Variants in DNM3 observed in about 807,000 individuals in gnomAD.
DNM3 encodes dynamin 3.
A neutral mutation model predicts 101.6 loss-of-function variants in DNM3; 47 were observed. The observed-to-expected ratio is 0.46, with a 90% CI of 0.37 to 0.59. DNM3 has a LOEUF of 0.59. Ranked by LOEUF, DNM3 falls within the 20% of genes least tolerant of loss-of-function variation. The pLI, the probability that DNM3 is intolerant of heterozygous loss-of-function variation, is 0.00. For synonymous variants in DNM3, 385 were observed against 387.9 expected, an observed-to-expected ratio of 0.99 and a Z score of 0.09; for missense variants, 849 against 1,085.7, an observed-to-expected ratio of 0.78 and a Z score of 3.06.
chr1:172,418,407 TA>T, exon 21 of DNM3: 1 of 1,089,424 alleles, frequency 9.2e-7, no homozygotes, highest in Non-Finnish European at 1.2e-6. Flanking sequence ...CGTATGTACA[TA>T]AAAACTTTTA....
At chr1:171,911,634 G>A (rs1336012660) in intron 1 of DNM3, among the ~76,000 whole-genome samples, 1 of 152,116 alleles carries the variant, frequency 6.6e-6, no homozygotes, top group Non-Finnish European at 1.5e-5. Flanking sequence ...GGCTGGAGAA[G>A]CTCACTTCTA....
At chr1:172,201,186 C>T (rs1038975886) in intron 14 of DNM3, among the ~76,000 whole-genome samples, 2 of 152,124 alleles carry the variant, frequency 1.3e-5, no homozygotes, top group African/African-American at 4.8e-5. Flanking sequence ...GCAGGTGGCA[C>T]TTAGGCTTAT....
chr1:172,342,648 T>C (rs2066741751), intron 17 of DNM3, among the ~76,000 whole-genome samples: 1 of 152,076 alleles, frequency 6.6e-6, no homozygotes, highest in Non-Finnish European at 1.5e-5. Context: ...GAAAAATACC[T>C]ATTGTTGGTA....
intron 14 of DNM3, among the ~76,000 whole-genome samples, chr1:172,163,293 C>G (rs1352872125): frequency 1.4e-5 from 2 of 146,926 alleles, no homozygotes; most frequent in African/African-American, 5.1e-5. Flanking sequence ...GGCTGGAGTG[C>G]AGTGGTGTGA....
At chr1:172,387,922 C>T (rs991100406) in intron 19 of DNM3, among the ~76,000 whole-genome samples, 8 of 151,838 alleles carry the variant, frequency 5.3e-5, no homozygotes, top group African/African-American at 1.7e-4. Flanking sequence ...ATCCAGTTAA[C>T]GGGAAGCTTT....
At chr1:172,381,499 C>T (rs1048820126) in intron 18 of DNM3, among the ~76,000 whole-genome samples, 1 of 149,938 alleles carries the variant, frequency 6.7e-6, no homozygotes, top group African/African-American at 2.4e-5. Context: ...ATATATAATA[C>T]ATATATTTTA....
At chr1:172,304,191 C>A (rs2064638145) in intron 15 of DNM3, among the ~76,000 whole-genome samples, 2 of 95,886 alleles carry the variant, frequency 2.1e-5, no homozygotes, top group Non-Finnish European at 3.9e-5. Flanking sequence ...GAATATCTAC[C>A]ATGCAAAAGG....
At chr1:172,224,240 A>G (rs1344646960) in intron 14 of DNM3, among the ~76,000 whole-genome samples, 1 of 152,200 alleles carries the variant, frequency 6.6e-6, no homozygotes, top group Non-Finnish European at 1.5e-5. Flanking sequence ...CACACCTTGC[A>G]CTGCCCCTTT....
chr1:172,311,005 T>C (rs1178974955), intron 16 of DNM3: 1 of 152,196 alleles, frequency 6.6e-6, no homozygotes, highest in Non-Finnish European at 1.5e-5. Context: ...TTACCTAGCC[T>C]TTTCACATTT....
chr1:171,910,985 GT>G (rs1225937988), intron 1 of DNM3, among the ~76,000 whole-genome samples: 14 of 152,178 alleles, frequency 9.2e-5, no homozygotes, highest in Admixed American at 7.9e-4. Flanking sequence ...GGCTTCTGTG[GT>G]TAAGGAGTCA....
At chr1:172,304,218 A>AAAAAAAAAAAAAAAAAAAC (rs1182798546) in intron 15 of DNM3, among the ~76,000 whole-genome samples, 2 of 135,040 alleles carry the variant, frequency 1.5e-5, no homozygotes, top group African/African-American at 6.7e-5. Flanking sequence ...AAAAAAAAAA[A>AAAAAAAAAAAAAAAAAAAC]AAAACAGGAG....
intron 1 of DNM3, among the ~76,000 whole-genome samples, chr1:171,856,964 G>A (rs2033671028): frequency 1.3e-5 from 2 of 152,188 alleles, no homozygotes; most frequent in Non-Finnish European, 2.9e-5. Context: ...GTAAGAATTT[G>A]ATAGATCGAG....
intron 14 of DNM3, among the ~76,000 whole-genome samples, chr1:172,141,005 G>A (rs1558632441): frequency 6.6e-6 from 1 of 151,774 alleles, no homozygotes; most frequent in Non-Finnish European, 1.5e-5. Context: ...GTAATTTTTA[G>A]TGTGGTTATT....
At chr1:171,900,547 G>A (rs1376913700) in intron 1 of DNM3, among the ~76,000 whole-genome samples, 1 of 152,146 alleles carries the variant, frequency 6.6e-6, no homozygotes, top group Non-Finnish European at 1.5e-5. Flanking sequence ...TTAGGAATGA[G>A]GCCATTGGTG....
intron 14 of DNM3, chr1:172,139,934 C>T (rs898310996): frequency 1.1e-4 from 16 of 151,936 alleles, no homozygotes; most frequent in Admixed American, 9.9e-4. Flanking sequence ...AAATTCCCCT[C>T]CCCTTTTAAA....
chr1:172,014,438 C>T (rs1372561145), intron 4 of DNM3, among the ~76,000 whole-genome samples: 2 of 152,154 alleles, frequency 1.3e-5, no homozygotes. Flanking sequence ...GTTCCTGTTG[C>T]TCCACATCCT....
chr1:172,360,855 G>A (rs1404762077), intron 17 of DNM3, among the ~76,000 whole-genome samples: 1 of 151,896 alleles, frequency 6.6e-6, no homozygotes, highest in East Asian at 1.9e-4. Flanking sequence ...GTAAGTTTAG[G>A]GCAAATGAAA....
In DNM3 at chr1:172,042,138, A is replaced by G; in HGVS notation, c.1122A>G (p.Ile374Met). 1 of 1,595,144 alleles carries G rather than the reference A, an allele frequency of 6.3e-7. No individual in the cohort carries two copies. Among genetic ancestry groups the G allele is most frequent in the Non-Finnish European group, 8.5e-7 (1 of 1,175,098 alleles). The change falls in exon 8 of 21, where the codon ATA becomes ATG. Residue 374 changes from isoleucine to methionine, a missense_variant. By Grantham distance (10) the Ile-to-Met change is conservative. This residue lies in a region of DNM3 where 388 missense variants were observed against 483.0 expected (regional missense o/e 0.80). Transcript: ENST00000627582. Reference sequence around the variant, plus strand: ...TTCATGAACGCTTTCCTTTTGAGATAGTAAAGGTTTGTGTCAAACGTTATT... The same window carrying G: ...TTCATGAACGCTTTCCTTTTGAGATGGTAAAGGTTTGTGTCAAACGTTATT... ...RIFHERFPFE[I>M]VKMEFNEKEL...
At chr1:172,127,370 A>G (rs918869650) in intron 13 of DNM3, among the ~76,000 whole-genome samples, 1 of 147,120 alleles carries the variant, frequency 6.8e-6, no homozygotes, top group Non-Finnish European at 1.5e-5. Flanking sequence ...TGTATCGCCA[A>G]TCTCTTACTC....
Sources: allele counts gnomAD v4.1 joint callset (sites outside exome capture counted in the v4.1 genomes callset), GRCh38; gene constraint gnomAD v4.1.1; regional missense constraint gnomAD v4.1.1; transcripts MANE v1.5; gene names NCBI Gene and HGNC (gene_info 2026-07-23, HGNC 2026-07-21).